Variants in SPRN observed in about 807,000 individuals in gnomAD.
SPRN encodes hypothetical protein BC004409.
For missense variants in SPRN, 312 were observed against 241.4 expected (o/e 1.29, Z -1.94); for synonymous variants, 182 against 123.4 (o/e 1.48, Z -3.15).
chr10:133,423,732 A>G (rs1423702038), intron 1 of SPRN, 35 bp from the exon 2 acceptor site: 5 of 1,423,980 alleles, frequency 3.5e-6, no homozygotes, highest in East Asian at 2.8e-5. Context: ...CTTAGTTTCC[A>G]TGGAGATCGG....
rs1850261549 is a variant in SPRN, at chr10:133,422,393, T to A, written c.*833A>T. ...AGCGGGATTGGCAGTTGCTGTGCCC[T>A]GAGAACAGGCAGAACTGTGTGATCC... is the stretch of plus-strand genomic sequence containing the variant. On this transcript the variant is annotated 3_prime_UTR_variant, in exon 2 of 2. Transcript: ENST00000685335. 1 of 152,372 alleles carries A rather than the reference T, an allele frequency of 6.6e-6. No homozygotes were observed. The highest frequency in any genetic ancestry group is 1.5e-5 in the Non-Finnish European group (1 of 68,180). 9.4% of individuals were successfully genotyped at this position (152,372 alleles called of 1,614,324 possible). A position where few individuals can be genotyped will look rare whatever the true frequency, so the allele number is the denominator to read the frequency against.
Position 133,421,407 on chromosome 10 carries a change from G to C in SPRN, c.*1819C>G, listed in dbSNP as rs1850233377. On this transcript the variant is annotated 3_prime_UTR_variant, in exon 2 of 2. Transcript: ENST00000685335. ...TGGTGCAGCTCAGCCCATTTTCCAG[G>C]TGGGCATCTGCAAAGTTGAGGGGGC... 6.5e-6 allele frequency: 1 copy of C among 153,192 alleles called. No individual in the cohort carries two copies. Among genetic ancestry groups the C allele is most frequent in the Non-Finnish European group, 1.5e-5 (1 of 68,256 alleles). 9.5% of individuals were successfully genotyped at this position (153,192 alleles called of 1,614,324 possible).
rs1221647231 is a variant in SPRN at position 133,421,903 on chromosome 10, C to CG, written c.*1322dup. 33 of 134,366 alleles carry CG rather than the reference C, an allele frequency of 2.5e-4. 3 individuals are homozygous for CG. Among genetic ancestry groups the CG allele is most frequent in the Admixed American group, 7.2e-4 (9 of 12,442 alleles). 8.3% of individuals were successfully genotyped at this position (134,366 alleles called of 1,614,324 possible). On this transcript the variant is annotated 3_prime_UTR_variant, in exon 2 of 2. Coordinates refer to ENST00000685335, the MANE Select transcript of SPRN (RefSeq NM_001391974.1). Reference sequence around the variant, plus strand: ...AGAGGGTGAGATCCCAAGGCCACGGCGGGGGGCAGGGAGAACCCCTCCTAC... The same window carrying CG: ...AGAGGGTGAGATCCCAAGGCCACGGCGGGGGGGCAGGGAGAACCCCTCCTAC...
In SPRN at chr10:133,423,516, G is replaced by T; in HGVS notation, c.166C>A (p.Arg56Ser). The change falls in exon 2 of 2, where the codon CGC (arginine) becomes AGC (serine). Residue 56 changes from arginine to serine, a missense_variant. Physicochemically the swap from Arg to Ser is moderately radical, Grantham distance 110. Coordinates refer to ENST00000685335, the MANE Select transcript of SPRN (RefSeq NM_001391974.1). ...ASRVRVRPAQ[R>S]YGAPGSSLRV... ...AGGGAGGAGCCCGGGGCACCGTAGC[G>T]CTGCGCCGGCCTCACGCGCACCCTC... 8.4e-7 allele frequency: 1 copy of T among 1,186,798 alleles called. No individual in the cohort carries two copies. The highest frequency in any genetic ancestry group is 1.0e-6 in the Non-Finnish European group (1 of 961,660). 73.5% of individuals were successfully genotyped at this position (1,186,798 alleles called of 1,614,324 possible). A position where few individuals can be genotyped will look rare whatever the true frequency, so the allele number is the denominator to read the frequency against.
Position 133,423,285 on chromosome 10 carries a change from G to T in SPRN, c.397C>A (p.Pro133Thr), listed in dbSNP as rs1401997476. The change falls in exon 2 of 2, where the codon CCG (proline) becomes ACG (threonine). Residue 133 changes from proline to threonine, a missense_variant. Transcript: ENST00000685335. ...CCGCCCAGCACGAGACAGAGACGCGGGCCGCGCGTGGGTCCAGCGCCCGAA... is the reference window on the plus strand; with the variant it reads ...CCGCCCAGCACGAGACAGAGACGCGTGCCGCGCGTGGGTCCAGCGCCCGAA... ...WTSGAGPTRG[P>T]RLCLVLGGAL... The T allele has an allele frequency of 8.6e-6, 13 of 1,517,720 alleles. No individual in the cohort carries two copies. Among genetic ancestry groups the T allele is most frequent in the Non-Finnish European group, 1.1e-5 (13 of 1,138,238 alleles). 94.0% of individuals were successfully genotyped at this position (1,517,720 alleles called of 1,614,324 possible).
Position 133,423,026 on chromosome 10 carries a change from G to T in SPRN, c.*200C>A. The T allele has an allele frequency of 5.8e-6, 3 of 521,018 alleles. No individual in the cohort carries two copies. The highest frequency in any genetic ancestry group is 9.9e-6 in the Non-Finnish European group (3 of 304,310). The allele number at this position is 521,018 out of a possible 1,614,324, so 32.3% of individuals were successfully genotyped here. A position where few individuals can be genotyped will look rare whatever the true frequency, so the allele number is the denominator to read the frequency against. The stretch of plus-strand genomic sequence containing the variant: ...TGGAGTGGGTGGGGCAGGGCCCATG[G>T]TCTCCTCTAGGTGGGAGGTGGCAGG... On this transcript the variant is annotated 3_prime_UTR_variant, in exon 2 of 2. Coordinates refer to ENST00000685335, the MANE Select transcript of SPRN (RefSeq NM_001391974.1).
At position 133,423,462 on chromosome 10, in the gene SPRN, C is replaced by T. The variant is rs1479909288; in HGVS notation, c.220G>A (p.Gly74Arg). The T allele has an allele frequency of 8.5e-6, 10 of 1,172,580 alleles. No homozygotes were observed. The highest frequency in any genetic ancestry group is 8.1e-5 in the South Asian group (2 of 24,626). 72.6% of individuals were successfully genotyped at this position (1,172,580 alleles called of 1,614,324 possible). A position where few individuals can be genotyped will look rare whatever the true frequency, so the allele number is the denominator to read the frequency against. The change falls in exon 2 of 2, where the codon GGG (glycine) becomes AGG (arginine). Residue 74 changes from glycine (G) to arginine (R), a missense_variant. Transcript: ENST00000685335. ...CCCGCGGCCGCTCCCGCCGCCGCCCCGGCTGCCGCCCCGGCGGCAGCCACG... is the reference window on the plus strand; with the variant it reads ...CCCGCGGCCGCTCCCGCCGCCGCCCTGGCTGCCGCCCCGGCGGCAGCCACG... ...LRVAAAGAAA[G>R]AAAGAAAGLA...
In SPRN at chr10:133,421,692, TTGGTTGAG is replaced by T. The variant is rs1248361548; in HGVS notation, c.*1526_*1533del. On this transcript the variant is annotated 3_prime_UTR_variant, in exon 2 of 2. Transcript: ENST00000685335. The stretch of plus-strand genomic sequence containing the variant: ...GTGCCCTGGAGCTAGAGAGCAGTGC[TTGGTTGAG>T]TCCTGCCAACAGCTTCCAGATCCTC... The T allele has an allele frequency of 1.3e-5, 2 of 152,878 alleles. No homozygotes were observed. Among genetic ancestry groups the T allele is most frequent in the Admixed American group, 1.3e-4 (2 of 15,284 alleles). The allele number at this position is 152,878 out of a possible 1,614,324, so 9.5% of individuals were successfully genotyped here.
rs1554893370 is a variant in SPRN, at chr10:133,421,904, G to GGT, written c.*1321_*1322insAC. 2.9e-5 allele frequency: 4 copies of GGT among 138,186 alleles called. No individual in the cohort carries two copies. The highest frequency in any genetic ancestry group is 1.2e-4 in the African/African-American group (4 of 32,786). The allele number at this position is 138,186 out of a possible 1,614,324, so 8.6% of individuals were successfully genotyped here. A position where few individuals can be genotyped will look rare whatever the true frequency, so the allele number is the denominator to read the frequency against. ...GAGGGTGAGATCCCAAGGCCACGGC[G>GGT]GGGGGCAGGGAGAACCCCTCCTACC... On this transcript the variant is annotated 3_prime_UTR_variant, in exon 2 of 2. Transcript: ENST00000685335.
rs990963963 is a variant in SPRN, at chr10:133,423,514, G to T, written c.168C>A (p.Arg56=). The change falls in exon 2 of 2, where the codon CGC becomes CGA. Residue 56 remains arginine (R), a synonymous_variant. Coordinates refer to ENST00000685335, the MANE Select transcript of SPRN (RefSeq NM_001391974.1). Reference sequence around the variant, plus strand: ...GCAGGGAGGAGCCCGGGGCACCGTAGCGCTGCGCCGGCCTCACGCGCACCC... The same window carrying T: ...GCAGGGAGGAGCCCGGGGCACCGTATCGCTGCGCCGGCCTCACGCGCACCC... ...ASRVRVRPAQ[R]YGAPGSSLRV... The T allele has an allele frequency of 1.9e-5, 23 of 1,184,588 alleles. No individual in the cohort carries two copies. The highest frequency in any genetic ancestry group is 4.6e-5 in the Admixed American group (1 of 21,554). 73.4% of individuals were successfully genotyped at this position (1,184,588 alleles called of 1,614,324 possible). A position where few individuals can be genotyped will look rare whatever the true frequency, so the allele number is the denominator to read the frequency against.
chr10:133,423,517 C>G lies in SPRN; in HGVS notation c.165G>C (p.Gln55His), dbSNP rs1490141371. The change falls in exon 2 of 2, where the codon CAG (glutamine) becomes CAC (histidine). Residue 55 changes from glutamine to histidine, a missense_variant. Gln to His is a conservative substitution (Grantham distance 24). Coordinates refer to ENST00000685335, the MANE Select transcript of SPRN (RefSeq NM_001391974.1). The stretch of plus-strand genomic sequence containing the variant: ...GGGAGGAGCCCGGGGCACCGTAGCG[C>G]TGCGCCGGCCTCACGCGCACCCTCG... ...GASRVRVRPA[Q>H]RYGAPGSSLR... The G allele has an allele frequency of 1.9e-5, 23 of 1,187,748 alleles. No individual in the cohort carries two copies. The highest frequency in any genetic ancestry group is 2.3e-5 in the Non-Finnish European group (22 of 962,182). The allele number at this position is 1,187,748 out of a possible 1,614,324, so 73.6% of individuals were successfully genotyped here. A position where few individuals can be genotyped will look rare whatever the true frequency, so the allele number is the denominator to read the frequency against.
Position 133,423,086 on chromosome 10 carries a change from TC to T in SPRN, c.*139del. The T allele has an allele frequency of 2.2e-6, 2 of 908,974 alleles. No homozygotes were observed. Among genetic ancestry groups the T allele is most frequent in the Non-Finnish European group, 3.2e-6 (2 of 621,858 alleles). The allele number at this position is 908,974 out of a possible 1,614,324, so 56.3% of individuals were successfully genotyped here. On this transcript the variant is annotated 3_prime_UTR_variant, in exon 2 of 2. Coordinates refer to ENST00000685335, the MANE Select transcript of SPRN (RefSeq NM_001391974.1). Reference sequence around the variant, plus strand: ...CGTGGGCAGGACGGTGGATGGCGGGTCCACAGGGACAGCCAGCAGCTCCTGC... The same window carrying T: ...CGTGGGCAGGACGGTGGATGGCGGGTCACAGGGACAGCCAGCAGCTCCTGC...
In SPRN at chr10:133,421,134, G is replaced by A. The variant is rs1231330365; in HGVS notation, c.*2092C>T. ...CCACAGCAGCCTCCACCAGGGCCCT[G>A]GTGCTCAGTGGCCCCTCTTTGCTGG... On this transcript the variant is annotated 3_prime_UTR_variant, in exon 2 of 2. Transcript: ENST00000685335. The A allele has an allele frequency of 6.6e-6, 1 of 152,460 alleles. No individual in the cohort carries two copies. Among genetic ancestry groups the A allele is most frequent in the Non-Finnish European group, 1.5e-5 (1 of 68,250 alleles). 9.4% of individuals were successfully genotyped at this position (152,460 alleles called of 1,614,324 possible).
chr10:133,421,100 C>G lies in SPRN; in HGVS notation c.*2126G>C, dbSNP rs1850225248. ...CCGGCTGCCTCTTTGCGGTGGTGGC[C>G]TGACCGTCCCACAGCAGCCTCCACC... On this transcript the variant is annotated 3_prime_UTR_variant, in exon 2 of 2. Coordinates refer to ENST00000685335, the MANE Select transcript of SPRN (RefSeq NM_001391974.1). 6.6e-6 allele frequency: 1 copy of G among 152,510 alleles called. No individual in the cohort carries two copies. Among genetic ancestry groups the G allele is most frequent in the Non-Finnish European group, 1.5e-5 (1 of 68,280 alleles). The allele number at this position is 152,510 out of a possible 1,614,324, so 9.4% of individuals were successfully genotyped here.
chr10:133,423,609 T>C lies in SPRN; in HGVS notation c.73A>G (p.Lys25Glu). 1 of 1,543,558 alleles carries C rather than the reference T, an allele frequency of 6.5e-7. No homozygotes were observed. Among genetic ancestry groups the C allele is most frequent in the Non-Finnish European group, 8.7e-7 (1 of 1,149,588 alleles). Reference protein sequence around the residue: ...AAFLCDSGAAKGGRGGARGSA... With the variant: ...AAFLCDSGAAEGGRGGARGSA... ...CCCCGCGCACCTCCGCGGCCGCCCTTGGCTGCGCCGCTGTCGCAGAGGAAG... is the reference window on the plus strand; with the variant it reads ...CCCCGCGCACCTCCGCGGCCGCCCTCGGCTGCGCCGCTGTCGCAGAGGAAG... Residue 25 changes from lysine (K) to glutamate (E), a missense_variant, in exon 2 of 2, where the codon AAG (lysine) becomes GAG (glutamate). Physicochemically the swap from Lys to Glu is moderately conservative, Grantham distance 56 (BLOSUM62 1). Transcript: ENST00000685335.
intron 1 of SPRN, among the ~76,000 whole-genome samples, chr10:133,424,098 T>G: frequency 8.3e-6 from 1 of 120,920 alleles, no homozygotes; most frequent in Non-Finnish European, 1.7e-5. Flanking sequence ...GCGTTGTGTT[T>G]GGAGGACGCG....
In SPRN at chr10:133,423,386, C is replaced by A; in HGVS notation, c.296G>T (p.Gly99Val). The change falls in exon 2 of 2, where the codon GGC (glycine) becomes GTC (valine). Residue 99 changes from glycine to valine, a missense_variant. Transcript: ENST00000685335. ...CACCCCGTCCTCCTCGTCCTCCAGG[C>A]CGCGTTCCCCGGGTCCCGCGGCCCT... The part of the protein sequence containing the change: ...WRRAAGPGER[G>V]LEDEEDGVPG... 1 of 1,497,436 alleles carries A rather than the reference C, an allele frequency of 6.7e-7. No homozygotes were observed. The highest frequency in any genetic ancestry group is 8.9e-7 in the Non-Finnish European group (1 of 1,128,382). 92.8% of individuals were successfully genotyped at this position (1,497,436 alleles called of 1,614,324 possible). A position where few individuals can be genotyped will look rare whatever the true frequency, so the allele number is the denominator to read the frequency against.
Position 133,423,422 on chromosome 10 carries a change from G to A in SPRN, c.260C>T (p.Ser87Leu), listed in dbSNP as rs764363771. 8.7e-6 allele frequency: 12 copies of A among 1,377,392 alleles called. No individual in the cohort carries two copies. Among genetic ancestry groups the A allele is most frequent in the African/African-American group, 4.5e-5 (3 of 66,454 alleles). 85.3% of individuals were successfully genotyped at this position (1,377,392 alleles called of 1,614,324 possible). ...AGAAAGLAAG[S>L]GWRRAAGPGE... ...GGGTCCCGCGGCCCTTCTCCAGCCC[G>A]AGCCCGCCGCCAGGCCCGCGGCCGC... is the stretch of plus-strand genomic sequence containing the variant. The change falls in exon 2 of 2, where the codon TCG becomes TTG. Residue 87 changes from serine (S) to leucine (L), a missense_variant. By Grantham distance (145) the Ser-to-Leu change is moderately radical (BLOSUM62 -2). Coordinates refer to ENST00000685335, the MANE Select transcript of SPRN (RefSeq NM_001391974.1).
At position 133,423,270 on chromosome 10, in the gene SPRN, C is replaced by G; in HGVS notation, c.412G>C (p.Val138Leu). Residue 138 changes from valine (V) to leucine (L), a missense_variant, in exon 2 of 2, where the codon GTG becomes CTG. Physicochemically the swap from Val to Leu is conservative, Grantham distance 32 (BLOSUM62 1). Transcript: ENST00000685335. ...AGGGCTCCGAGGGCGCCGCCCAGCACGAGACAGAGACGCGGGCCGCGCGTG... is the reference window on the plus strand; with the variant it reads ...AGGGCTCCGAGGGCGCCGCCCAGCAGGAGACAGAGACGCGGGCCGCGCGTG... ...GPTRGPRLCL[V>L]LGGALGALGL... 3 of 1,508,778 alleles carry G rather than the reference C, an allele frequency of 2.0e-6. No homozygotes were observed. Among genetic ancestry groups the G allele is most frequent in the Non-Finnish European group, 2.6e-6 (3 of 1,133,172 alleles). 93.5% of individuals were successfully genotyped at this position (1,508,778 alleles called of 1,614,324 possible).
Sources: gnomAD v4.1 joint callset for allele counts (sites outside exome capture counted in the v4.1 genomes callset) on GRCh38, gnomAD v4.1.1 for gene constraint, MANE v1.5 for transcripts, NCBI Gene and HGNC (gene_info 2026-07-23, HGNC 2026-07-21) for gene names.